GPHN: variants seen among roughly 807,000 people sequenced by gnomAD.
GPHN encodes the protein gephyrin.
GPHN carries 17 observed loss-of-function variants against 95.5 expected under a neutral mutation model. The ratio of observed to expected loss-of-function variants is 0.18; its 90% CI spans 0.12 to 0.27. The LOEUF (loss-of-function observed/expected upper bound fraction) is 0.27, where lower values mean the gene tolerates loss of function less well. Among genes scored for constraint, GPHN ranks in the 10% least tolerant of loss-of-function variants. The probability of loss-of-function intolerance (pLI) is 1.00; values close to 1 mark genes in which losing one functional copy is unlikely to be tolerated. For missense variants in GPHN, 660 were observed against 978.1 expected (o/e 0.67, Z 4.34); for synonymous variants, 320 against 322.5 (o/e 0.99, Z 0.08).
At chr14:67,063,150 T>G (rs2075893254) in intron 11 of GPHN, among the ~76,000 whole-genome samples, 1 of 152,236 alleles carries the variant, frequency 6.6e-6, no homozygotes, top group East Asian at 1.9e-4. Flanking sequence ...TTTCTACATA[T>G]GCCTAGCCAG....
At chr14:66,847,023 T>C (rs2062368682) in intron 4 of GPHN, among the ~76,000 whole-genome samples, 1 of 152,168 alleles carries the variant, frequency 6.6e-6, no homozygotes, top group Admixed American at 6.6e-5. Context: ...ATAAATTTAT[T>C]TGTGCTCCCT....
the GPHN span, among the ~76,000 whole-genome samples, chr14:67,610,251 G>A: frequency 6.6e-6 from 1 of 152,166 alleles, no homozygotes; most frequent in Non-Finnish European, 1.5e-5. Flanking sequence ...TACTAGTCTT[G>A]CAAGCTAAAT....
At chr14:67,516,398 A>AG in the GPHN span, among the ~76,000 whole-genome samples, 3 of 55,082 alleles carry the variant, frequency 5.4e-5, no homozygotes, top group South Asian at 5.8e-4. Context: ...CTAGCTGGAG[A>AG]GGGGGGGAAA....
At chr14:66,850,765 G>A (rs928496430) in intron 4 of GPHN, among the ~76,000 whole-genome samples, 7 of 152,098 alleles carry the variant, frequency 4.6e-5, no homozygotes, top group African/African-American at 7.2e-5. Flanking sequence ...TATCGAGTAC[G>A]CACTAACTGC....
the GPHN span, chr14:67,384,213 T>C: frequency 6.6e-6 from 1 of 152,194 alleles, no homozygotes; most frequent in Non-Finnish European, 1.5e-5. Context: ...GGTGGTAAAG[T>C]ATGTTTTTAA....
chr14:66,882,178 G>A (rs1310151096), intron 5 of GPHN, among the ~76,000 whole-genome samples: 1 of 151,664 alleles, frequency 6.6e-6, no homozygotes, highest in Non-Finnish European at 1.5e-5. Flanking sequence ...TACCTAGTTA[G>A]TAGAAACTTC....
the GPHN span, chr14:67,385,281 G>C: frequency 2.0e-5 from 3 of 152,150 alleles, no homozygotes; most frequent in Non-Finnish European, 4.4e-5. Context: ...GCTTGGCAAA[G>C]AAGTAAGTTT....
At chr14:67,578,616 G>A in the GPHN span, 7 of 1,606,762 alleles carry the variant, frequency 4.4e-6, no homozygotes, top group Non-Finnish European at 6.0e-6. The surrounding 1 kb of genome is among the most constrained non-coding windows in gnomAD (Gnocchi z 5.0). Flanking sequence ...CAGCTCCAAC[G>A]CCATGCAGAT....
chr14:67,727,475 T>A, the GPHN span: 1 of 313,944 alleles, frequency 3.2e-6, no homozygotes, highest in Non-Finnish European at 6.2e-6. Flanking sequence ...AGAGGCTTTT[T>A]GTTTTTTTTG....
the GPHN span, chr14:67,620,816 C>T: frequency 1.4e-5 from 20 of 1,451,268 alleles, no homozygotes; most frequent in African/African-American, 7.0e-5. Flanking sequence ...GAGGAACCTG[C>T]TGGGAACTAA....
intron 9 of GPHN, chr14:66,985,631 A>C (rs1401999151): frequency 8.2e-7 from 1 of 1,222,128 alleles, no homozygotes; most frequent in African/African-American, 1.5e-5. Context: ...AAAATTTTTA[A>C]GTTCACTTTT....
chr14:67,691,077 C>A, the GPHN span: 7 of 1,048,094 alleles, frequency 6.7e-6, no homozygotes, highest in African/African-American at 1.1e-4. Context: ...TCAATCTGAC[C>A]CCTAAGTTTC....
Position 66,723,986 on chromosome 14 carries a change from T to TACACACAC in GPHN, c.143+42829_143+42836dup, listed in dbSNP as rs371629259. ...ATCACAAATCTATGTCATGCATACA[T>TACACACAC]ACACACACACACACACACACACACA... On this transcript the variant is annotated intron_variant, in intron 2 of 22. Coordinates refer to ENST00000478722, the MANE Select transcript of GPHN (RefSeq NM_020806.5). Among the ~76,000 whole-genome samples, 48 of 127,846 alleles carry TACACACAC rather than the reference T, an allele frequency of 3.8e-4. 1 individual carries two copies. The highest frequency in any genetic ancestry group is 1.2e-3 in the African/African-American group (43 of 34,776). 83.9% of individuals were successfully genotyped at this position (127,846 alleles called of 152,430 possible).
At chr14:66,841,995 G>A (rs898897135) in intron 4 of GPHN, among the ~76,000 whole-genome samples, 10 of 152,126 alleles carry the variant, frequency 6.6e-5, no homozygotes, top group Non-Finnish European at 1.3e-4. Context: ...AAGGTTTGCA[G>A]TGAGCTGAGA....
At chr14:67,410,449 C>G in the GPHN span, among the ~76,000 whole-genome samples, 9 of 151,712 alleles carry the variant, frequency 5.9e-5, no homozygotes, top group African/African-American at 2.2e-4. Context: ...CATGTGTAGT[C>G]TGAGGTGCAG....
intron 1 of GPHN, among the ~76,000 whole-genome samples, chr14:66,617,747 T>C (rs1297591287): frequency 6.6e-6 from 1 of 152,202 alleles, no homozygotes; most frequent in Non-Finnish European, 1.5e-5. Flanking sequence ...ATTATTTTTT[T>C]AATTATTGAA....
chr14:67,579,632 T>C, the GPHN span: 2 of 1,333,084 alleles, frequency 1.5e-6, no homozygotes, highest in Non-Finnish European at 2.1e-6. Flanking sequence ...CTTGCTCCTT[T>C]CCACCTGCTG....
At chr14:67,695,549 G>A in the GPHN span, 1 of 1,428,260 alleles carries the variant, frequency 7.0e-7, no homozygotes, top group Non-Finnish European at 9.6e-7. Context: ...AGTTTTCCAA[G>A]AAAGCTTTGG....
At chr14:66,891,244 A>G (rs1170634459) in intron 5 of GPHN, among the ~76,000 whole-genome samples, 1 of 152,202 alleles carries the variant, frequency 6.6e-6, no homozygotes, top group African/African-American at 2.4e-5. Flanking sequence ...AGAATACAAA[A>G]TCAGGCTGCA....
Sources: gnomAD v4.1 joint callset for allele counts (sites outside exome capture counted in the v4.1 genomes callset) on GRCh38, gnomAD v4.1.1 for gene constraint, Gnocchi (gnomAD v3.1) non-coding constraint, MANE v1.5 for transcripts, NCBI Gene and HGNC (gene_info 2026-07-23, HGNC 2026-07-21) for gene names.